Variants in APCDD1 observed in about 807,000 individuals in gnomAD.
The protein encoded by APCDD1 is protein APCDD1.
Under a neutral mutation model 38.1 loss-of-function variants are expected in APCDD1, and 15 were observed. The observed-to-expected ratio is 0.39, with a 90% CI of 0.26 to 0.61. APCDD1 has a LOEUF of 0.61. Ranked by LOEUF, APCDD1 falls within the 20% of genes least tolerant of loss-of-function variation. The probability of loss-of-function intolerance (pLI) is 0.49; values close to 1 mark genes in which losing one functional copy is unlikely to be tolerated. For missense variants in APCDD1, 647 were observed against 696.2 expected, an observed-to-expected ratio of 0.93 and a Z score of 0.79; for synonymous variants, 261 against 279.7, an observed-to-expected ratio of 0.93 and a Z score of 0.67.
rs58043724 is a variant in APCDD1 at position 10,475,793 on chromosome 18, AG to A, written c.774+3744del. 17,516 of 95,094 alleles carry A rather than the reference AG, an allele frequency of 0.18. 1,097 individuals carry two copies. Among genetic ancestry groups the A allele is most frequent in the Middle Eastern group, 0.24 (48 of 204 alleles). 5.9% of individuals were successfully genotyped at this position (95,094 alleles called of 1,614,324 possible). A position where few individuals can be genotyped will look rare whatever the true frequency, so the allele number is the denominator to read the frequency against. Reference sequence around the variant, plus strand: ...GCCTAGCTGCCTCGCAAGATGGCTGAGGGGGGGGGGGGTCAGTGGAAGGCCG... The same window carrying A: ...GCCTAGCTGCCTCGCAAGATGGCTGAGGGGGGGGGGGTCAGTGGAAGGCCG... On this transcript the variant is annotated intron_variant, in intron 3 of 4. Transcript: ENST00000355285. This position sits in a 1 kb window ranked among gnomAD's most constrained non-coding sequence, Gnocchi z 4.0.
chr18:10,486,988 T>A (rs1426877660), intron 4 of APCDD1, among the ~76,000 whole-genome samples: 1 of 152,208 alleles, frequency 6.6e-6, no homozygotes, highest in Non-Finnish European at 1.5e-5. Context: ...TACACGGAAG[T>A]GGCCCCCTGG....
At chr18:10,478,489 C>A (rs1007438883) in intron 3 of APCDD1, among the ~76,000 whole-genome samples, 13 of 152,214 alleles carry the variant, frequency 8.5e-5, no homozygotes, top group African/African-American at 2.9e-4. Flanking sequence ...AAGGCACCAG[C>A]ATGGTGGGAG....
Position 10,467,653 on chromosome 18 carries a change from C to T in APCDD1, c.59-816C>T, listed in dbSNP as rs1039422673. Among the ~76,000 whole-genome samples the T allele has an allele frequency of 3.9e-4, 60 of 152,162 alleles. 4 individuals are homozygous for T. The highest frequency in any genetic ancestry group is 4.4e-5 in the Non-Finnish European group (3 of 68,038). ...CTGGGAAATAAACATATGTAATCTT[C>T]TTGCCATTATTCTTAATTTAAAGCC... On this transcript the variant is annotated intron_variant, in intron 1 of 4. Coordinates refer to ENST00000355285, the MANE Select transcript of APCDD1 (RefSeq NM_153000.5). The surrounding 1 kb of genome is among the most constrained non-coding windows in gnomAD (Gnocchi z 4.8).
chr18:10,471,989 C>T lies in APCDD1; in HGVS notation c.702C>T (p.Asp234=). Residue 234 remains aspartate, a synonymous_variant, in exon 3 of 5, where the codon GAC becomes GAT. Coordinates refer to ENST00000355285, the MANE Select transcript of APCDD1 (RefSeq NM_153000.5). The surrounding 1 kb of genome is among the most constrained non-coding windows in gnomAD (Gnocchi z 5.5). ...TGGTCGAGGAGCTCTTCCTTGGTGACATTCACACTGATGCCACCCAGAGGA... is the reference window on the plus strand; with the variant it reads ...TGGTCGAGGAGCTCTTCCTTGGTGATATTCACACTGATGCCACCCAGAGGA... The part of the protein sequence containing the change: ...DHLVEELFLG[D]IHTDATQRMF... 1 of 1,614,032 alleles carries T rather than the reference C, an allele frequency of 6.2e-7. No individual in the cohort carries two copies. Among genetic ancestry groups the T allele is most frequent in the Non-Finnish European group, 8.5e-7 (1 of 1,180,032 alleles).
At chr18:10,473,846 G>A (rs2030923399) in intron 3 of APCDD1, among the ~76,000 whole-genome samples, 1 of 151,690 alleles carries the variant, frequency 6.6e-6, no homozygotes, top group African/African-American at 2.4e-5. Flanking sequence ...AGGTCCACTT[G>A]GTTTGAGATA....
chr18:10,466,153 G>A (rs1287898627), intron 1 of APCDD1, among the ~76,000 whole-genome samples: 1 of 152,096 alleles, frequency 6.6e-6, no homozygotes, highest in Non-Finnish European at 1.5e-5. Context: ...CATCAAAATC[G>A]ATCATACTGT....
rs2030735545 is a variant in APCDD1 at position 10,467,144 on chromosome 18, G to A, written c.59-1325G>A. On this transcript the variant is annotated intron_variant, in intron 1 of 4. Coordinates refer to ENST00000355285, the MANE Select transcript of APCDD1 (RefSeq NM_153000.5). This position sits in a 1 kb window ranked among gnomAD's most constrained non-coding sequence, Gnocchi z 4.8. ...ATGGTAAATATCTGAATATTTAACA[G>A]ATATCTGAAGTTACCATCCTGCAGG... Among the ~76,000 whole-genome samples, 1 of 152,190 alleles carries A rather than the reference G, an allele frequency of 6.6e-6. No homozygotes were observed. The highest frequency in any genetic ancestry group is 1.5e-5 in the Non-Finnish European group (1 of 68,042).
chr18:10,455,450 C>T (rs2030355557), intron 1 of APCDD1, among the ~76,000 whole-genome samples: 1 of 152,178 alleles, frequency 6.6e-6, no homozygotes, highest in Non-Finnish European at 1.5e-5. Flanking sequence ...GCAGCAGGCT[C>T]TTGATGTGTT....
At position 10,488,309 on chromosome 18, in the gene APCDD1, G is replaced by GC; in HGVS notation, c.*271_*272insC. 1 of 431,208 alleles carries GC rather than the reference G, an allele frequency of 2.3e-6. No individual in the cohort carries two copies. The highest frequency in any genetic ancestry group is 4.1e-6 in the Non-Finnish European group (1 of 243,878). 26.7% of individuals were successfully genotyped at this position (431,208 alleles called of 1,614,324 possible). On this transcript the variant is annotated 3_prime_UTR_variant, in exon 5 of 5. Transcript: ENST00000355285. ...AGACAGCCTAGAGTTCTGGACGAGC[G>GC]TGTTTGGTAGCAGGGATGAAAGCTA...
In APCDD1 at chr18:10,470,856, C is replaced by T. The variant is rs1598397103; in HGVS notation, c.243-674C>T. 6.6e-6 allele frequency among the ~76,000 whole-genome samples: 1 copy of T among 152,222 alleles called. No homozygotes were observed. The highest frequency in any genetic ancestry group is 1.9e-4 in the East Asian group (1 of 5,196). On this transcript the variant is annotated intron_variant, in intron 2 of 4. Coordinates refer to ENST00000355285, the MANE Select transcript of APCDD1 (RefSeq NM_153000.5). The surrounding 1 kb of genome is among the most constrained non-coding windows in gnomAD (Gnocchi z 4.1). ...CAGGAACCTAGCATTCATCTAAGGC[C>T]ACACTGGCAACCATCATAAACAAAA...
rs1360505497 is a variant in APCDD1 at position 10,469,755 on chromosome 18, CAA to C, written c.242+1105_242+1106del. Among the ~76,000 whole-genome samples, 2 of 152,136 alleles carry C rather than the reference CAA, an allele frequency of 1.3e-5. No individual in the cohort carries two copies. The highest frequency in any genetic ancestry group is 1.5e-5 in the Non-Finnish European group (1 of 68,030). On this transcript the variant is annotated intron_variant, in intron 2 of 4. Coordinates refer to ENST00000355285, the MANE Select transcript of APCDD1 (RefSeq NM_153000.5). This position sits in a 1 kb window ranked among gnomAD's most constrained non-coding sequence, Gnocchi z 5.5. ...TTGAGCTGAGACATTGTTGGCTGTG[CAA>C]AGACTGTGGGAAGAGCTTTGTATTT...
At chr18:10,463,157 T>A (rs2030615285) in intron 1 of APCDD1, among the ~76,000 whole-genome samples, 1 of 151,882 alleles carries the variant, frequency 6.6e-6, no homozygotes, top group African/African-American at 2.4e-5. Flanking sequence ...CATGCTTGAG[T>A]GTGCTCAAGC....
In APCDD1 at chr18:10,461,221, C is replaced by T. The variant is rs11873739; in HGVS notation, c.58+6182C>T. Reference sequence around the variant, plus strand: ...CGAGCCCTCCAGAGCTCCAGGATCTCATTTAGTGCTCTGGATATGGTTGTC... The same window carrying T: ...CGAGCCCTCCAGAGCTCCAGGATCTTATTTAGTGCTCTGGATATGGTTGTC... On this transcript the variant is annotated intron_variant, in intron 1 of 4. Coordinates refer to ENST00000355285, the MANE Select transcript of APCDD1 (RefSeq NM_153000.5). Among the ~76,000 whole-genome samples the T allele has an allele frequency of 1.7e-3, 252 of 152,264 alleles. 1 individual carries two copies. Among genetic ancestry groups the T allele is most frequent in the African/African-American group, 5.8e-3 (242 of 41,544 alleles).
chr18:10,469,824 C>T lies in APCDD1; in HGVS notation c.242+1172C>T, dbSNP rs1369082790. The stretch of plus-strand genomic sequence containing the variant: ...GGCTAGATGCAGAGTGAGCAAGAGG[C>T]TGGCTAGATTGGAGGACCTGCTGGC... On this transcript the variant is annotated intron_variant, in intron 2 of 4. Coordinates refer to ENST00000355285, the MANE Select transcript of APCDD1 (RefSeq NM_153000.5). The surrounding 1 kb of genome is among the most constrained non-coding windows in gnomAD (Gnocchi z 5.5). Among the ~76,000 whole-genome samples, 1 of 152,146 alleles carries T rather than the reference C, an allele frequency of 6.6e-6. No homozygotes were observed. The highest frequency in any genetic ancestry group is 2.4e-5 in the African/African-American group (1 of 41,432).
In APCDD1 at chr18:10,454,959, G is replaced by GA. The variant is rs766241107; in HGVS notation, c.-22dup. ...CACCAAATCGGAGCGCGGCGTGCGGGAGGCCCCAGAGCAGGACTGGAAATG... is the reference window on the plus strand; with the variant it reads ...CACCAAATCGGAGCGCGGCGTGCGGGAAGGCCCCAGAGCAGGACTGGAAATG... On this transcript the variant is annotated 5_prime_UTR_variant, in exon 1 of 5. Coordinates refer to ENST00000355285, the MANE Select transcript of APCDD1 (RefSeq NM_153000.5). 2.7e-6 allele frequency: 4 copies of GA among 1,508,588 alleles called. No homozygotes were observed. The highest frequency in any genetic ancestry group is 3.5e-6 in the Non-Finnish European group (4 of 1,127,932). 93.5% of individuals were successfully genotyped at this position (1,508,588 alleles called of 1,614,324 possible).
At chr18:10,468,332 G>A in intron 1 of APCDD1, 137 bp from the exon 2 acceptor site, 14 of 918,670 alleles carry the variant, frequency 1.5e-5, no homozygotes, top group South Asian at 4.1e-5. Context: ...ACGAGAGCAC[G>A]CACTGTGATG....
Position 10,471,659 on chromosome 18 carries a change from C to G in APCDD1, c.372C>G (p.Ile124Met), listed in dbSNP as rs757722641. The G allele has an allele frequency of 2.7e-5, 44 of 1,614,064 alleles. No homozygotes were observed. The highest frequency in any genetic ancestry group is 3.3e-5 in the Non-Finnish European group (39 of 1,180,056). The stretch of plus-strand genomic sequence containing the variant: ...CAAATCCCACTTATACTCTCATCAT[C>G]CGGGGCAAGATCCGCCTCCGCCAGG... ...RCTNPTYTLI[I>M]RGKIRLRQAS... The change falls in exon 3 of 5, where the codon ATC becomes ATG. Residue 124 changes from isoleucine (I) to methionine (M), a missense_variant. By Grantham distance (10) the Ile-to-Met change is conservative (BLOSUM62 1). Coordinates refer to ENST00000355285, the MANE Select transcript of APCDD1 (RefSeq NM_153000.5). The surrounding 1 kb of genome is among the most constrained non-coding windows in gnomAD (Gnocchi z 5.5).
chr18:10,471,424 T>C lies in APCDD1; in HGVS notation c.243-106T>C. On this transcript the variant is annotated intron_variant, in intron 2 of 4. Transcript: ENST00000355285. The surrounding 1 kb of genome is among the most constrained non-coding windows in gnomAD (Gnocchi z 5.5). ...AGGGCTGACAACAGAGTCTGGCCCA[T>C]CGTCAGCACTTTATTATTATTTCTG... is the stretch of plus-strand genomic sequence containing the variant. 1 of 1,438,442 alleles carries C rather than the reference T, an allele frequency of 7.0e-7. No homozygotes were observed. Among genetic ancestry groups the C allele is most frequent in the Non-Finnish European group, 9.6e-7 (1 of 1,044,734 alleles). 89.1% of individuals were successfully genotyped at this position (1,438,442 alleles called of 1,614,324 possible).
intron 1 of APCDD1, among the ~76,000 whole-genome samples, chr18:10,460,826 T>G (rs1044414986): frequency 6.6e-6 from 1 of 152,178 alleles, no homozygotes; most frequent in African/African-American, 2.4e-5. Context: ...GGTTTAGGAA[T>G]GAGATCTGCT....
Sources: gnomAD v4.1 joint callset for allele counts (sites outside exome capture counted in the v4.1 genomes callset) on GRCh38, gnomAD v4.1.1 for gene constraint, Gnocchi (gnomAD v3.1) non-coding constraint, MANE v1.5 for transcripts, NCBI Gene and HGNC (gene_info 2026-07-23, HGNC 2026-07-21) for gene names.